The following DENND5B variants were observed in gnomAD, a reference collection of about 807,000 sequenced individuals.
The protein encoded by DENND5B is DENN domain containing 5B, also known as DENN domain-containing protein 5B.
DENND5B carries 34 observed loss-of-function variants against 140.6 expected under a neutral mutation model. That is an observed-to-expected ratio of 0.24 (90% CI 0.18 to 0.32). The LOEUF (loss-of-function observed/expected upper bound fraction) is 0.32. Among genes scored for constraint, DENND5B ranks in the 10% least tolerant of loss-of-function variants. The pLI is 1.00. For synonymous variants in DENND5B, 551 were observed against 562.1 expected, an observed-to-expected ratio of 0.98 and a Z score of 0.28; for missense variants, 1,142 against 1,560.2, an observed-to-expected ratio of 0.73 and a Z score of 4.52.
chr12:31,422,893 A>G (rs937393834), intron 11 of DENND5B, among the ~76,000 whole-genome samples: 12 of 151,964 alleles, frequency 7.9e-5, no homozygotes, highest in Non-Finnish European at 5.9e-5. Context: ...TTTTTGAGAC[A>G]TATGTACATA....
At chr12:31,392,777 T>A in intron 17 of DENND5B, 81 bp from the exon 18 acceptor site, 1 of 1,320,946 alleles carries the variant, frequency 7.6e-7, no homozygotes, top group Non-Finnish European at 1.0e-6. Flanking sequence ...TGTGTCCACC[T>A]AGGCAGGAAA....
intron 14 of DENND5B, among the ~76,000 whole-genome samples, chr12:31,403,896 CCAAAAAAAAAAAAAAAA>C (rs1337545043): frequency 1.2e-5 from 1 of 81,628 alleles, no homozygotes; most frequent in East Asian, 3.7e-4. Flanking sequence ...AACTCCATCT[CCAAAAAAAAAAAAAAAA>C]AAAAAAAAAA....
At chr12:31,554,469 C>T (rs907003610) in intron 1 of DENND5B, among the ~76,000 whole-genome samples, 1 of 152,078 alleles carries the variant, frequency 6.6e-6, no homozygotes, top group Non-Finnish European at 1.5e-5. Flanking sequence ...GTGGGTAACC[C>T]GACCTTTCTC....
intron 1 of DENND5B, among the ~76,000 whole-genome samples, chr12:31,566,278 T>C (rs1204383189): frequency 3.9e-5 from 6 of 152,028 alleles, no homozygotes; most frequent in Non-Finnish European, 8.8e-5. Context: ...TGTAATCACA[T>C]CTGTGAATAG....
intron 1 of DENND5B, among the ~76,000 whole-genome samples, chr12:31,589,535 T>C (rs1331328496): frequency 6.6e-6 from 1 of 152,132 alleles, no homozygotes; most frequent in Non-Finnish European, 1.5e-5. Flanking sequence ...GGGGACTGTA[T>C]TTTAAGGCTG....
At chr12:31,395,942 CAAAA>C (rs541816511) in intron 17 of DENND5B, among the ~76,000 whole-genome samples, 16 of 91,748 alleles carry the variant, frequency 1.7e-4, no homozygotes, top group East Asian at 3.3e-4. Flanking sequence ...ATCACTGGGC[CAAAA>C]AAAAAAAAAA....
At chr12:31,586,478 C>T (rs1950396639) in intron 1 of DENND5B, among the ~76,000 whole-genome samples, 2 of 152,154 alleles carry the variant, frequency 1.3e-5, no homozygotes. Flanking sequence ...CATAAAGTTT[C>T]TAAGTCCTCC....
chr12:31,589,843 C>G (rs1466267842), intron 1 of DENND5B: 1 of 152,330 alleles, frequency 6.6e-6, no homozygotes, highest in African/African-American at 2.4e-5. Flanking sequence ...CCTCTCGACA[C>G]TGCGCACTCC....
At position 31,543,731 on chromosome 12, in the gene DENND5B, T is replaced by C. The variant is rs538544871; in HGVS notation, c.127+46975A>G. Among the ~76,000 whole-genome samples the C allele has an allele frequency of 2.6e-5, 4 of 152,326 alleles. 1 individual carries two copies. In the East Asian group the frequency reaches 5.8e-4, roughly 22 times the overall value. On this transcript the variant is annotated intron_variant, in intron 1 of 20. Coordinates refer to ENST00000389082, the MANE Select transcript of DENND5B (RefSeq NM_144973.4). ...AAACAGAAAGGGAATGTTTATTCAA[T>C]AAACACAGACTGGAACATGTGGCTG...
chr12:31,387,832 T>A (rs781667182), intron 20 of DENND5B, 46 bp from the exon 21 acceptor site: 1 of 1,578,126 alleles, frequency 6.3e-7, no homozygotes, highest in African/African-American at 1.3e-5. Context: ...CTGGCCTCGC[T>A]GCAGAACAAG....
chr12:31,388,300 A>C (rs1430259947), intron 20 of DENND5B, among the ~76,000 whole-genome samples: 1 of 151,352 alleles, frequency 6.6e-6, no homozygotes, highest in African/African-American at 2.4e-5. Context: ...GAAAAACATT[A>C]AGTAGATTTT....
intron 1 of DENND5B, among the ~76,000 whole-genome samples, chr12:31,513,685 C>T (rs978793099): frequency 6.6e-6 from 1 of 152,098 alleles, no homozygotes; most frequent in Non-Finnish European, 1.5e-5. Context: ...TTTTTGAGCA[C>T]TTCCTTAATT....
intron 13 of DENND5B, among the ~76,000 whole-genome samples, chr12:31,411,330 C>T (rs1056028446): frequency 7.0e-6 from 1 of 142,344 alleles, no homozygotes; most frequent in Non-Finnish European, 1.5e-5. Flanking sequence ...AGCCAACACG[C>T]CCGGCCTTTT....
intron 2 of DENND5B, among the ~76,000 whole-genome samples, chr12:31,484,583 T>C (rs1946213813): frequency 6.6e-6 from 1 of 152,150 alleles, no homozygotes; most frequent in South Asian, 2.1e-4. Context: ...GCAGGCGGAT[T>C]GCCTGAGCTC....
chr12:31,508,491 A>C (rs183636251), intron 1 of DENND5B, among the ~76,000 whole-genome samples: 4 of 152,342 alleles, frequency 2.6e-5, no homozygotes, highest in African/African-American at 9.6e-5. Context: ...TAAATAGACT[A>C]TCCTGTTTCA....
chr12:31,456,498 T>G (rs969097263), intron 4 of DENND5B, among the ~76,000 whole-genome samples: 1 of 152,208 alleles, frequency 6.6e-6, no homozygotes, highest in Non-Finnish European at 1.5e-5. Flanking sequence ...TTTTAACTTG[T>G]GTTATTGGTA....
At chr12:31,410,379 A>C (rs544387873) in intron 13 of DENND5B, among the ~76,000 whole-genome samples, 1 of 152,248 alleles carries the variant, frequency 6.6e-6, no homozygotes, top group Admixed American at 6.5e-5. Context: ...AGGTAAGTCT[A>C]TTAGTGCCTT....
At chr12:31,461,175 T>C (rs1401582711) in intron 3 of DENND5B, among the ~76,000 whole-genome samples, 1 of 152,108 alleles carries the variant, frequency 6.6e-6, no homozygotes, top group Non-Finnish European at 1.5e-5. Context: ...CATCAGAGGC[T>C]TTTTTCTTAC....
At chr12:31,426,492 C>T (rs751825443) in intron 8 of DENND5B, 68 bp from the exon 9 acceptor site, 1 of 1,511,558 alleles carries the variant, frequency 6.6e-7, no homozygotes, top group African/African-American at 1.4e-5. Context: ...TAACCTTATA[C>T]AAACAAGTGC....
Sources: gnomAD v4.1 joint callset for allele counts (sites outside exome capture counted in the v4.1 genomes callset) on GRCh38, gnomAD v4.1.1 for gene constraint, MANE v1.5 for transcripts, NCBI Gene and HGNC (gene_info 2026-07-23, HGNC 2026-07-21) for gene names.